SLC4A3: variants seen among roughly 807,000 people sequenced by gnomAD.
The protein encoded by SLC4A3 is anion exchange protein 3.
SLC4A3 carries 47 observed loss-of-function variants against 114.2 expected under a neutral mutation model. The observed-to-expected ratio is 0.41, with a 90% CI of 0.33 to 0.52. The LOEUF (loss-of-function observed/expected upper bound fraction) is 0.52. Among genes scored for constraint, SLC4A3 ranks in the 20% least tolerant of loss-of-function variants. The probability of loss-of-function intolerance (pLI) is 0.21; values close to 1 mark genes in which losing one functional copy is unlikely to be tolerated. For missense variants in SLC4A3, 1,312 were observed against 1,668.3 expected (o/e 0.79, Z 3.72); for synonymous variants, 693 against 710.3 (o/e 0.98, Z 0.39).
Position 219,629,649 on chromosome 2 carries a change from C to T in SLC4A3, c.565C>T (p.Pro189Ser), listed in dbSNP as rs574072360. The T allele has an allele frequency of 6.3e-5, 101 of 1,613,406 alleles. No homozygotes were observed. The South Asian group carries it at 1.1e-3, about 17-fold the overall frequency. ...GAGGGCTGCTGTCACCAAGCCCCTG[C>T]CCTCGGTGGGCCCACACACTGACAA... ...PGRAAVTKPLPSVGPHTDKSP... is the reference protein window; with the variant it reads ...PGRAAVTKPLSSVGPHTDKSP... Residue 189 changes from proline (P) to serine (S), a missense_variant, in exon 5 of 23, where the codon CCC becomes TCC. Transcript: ENST00000358055.
At chr2:219,634,324 C>A in intron 11 of SLC4A3, 96 bp from the exon 12 acceptor site, 1 of 1,254,154 alleles carries the variant, frequency 8.0e-7, no homozygotes, top group Non-Finnish European at 1.1e-6. Flanking sequence ...AGTTTACAAC[C>A]TGCTCAACTG....
At chr2:219,640,732 G>A in intron 21 of SLC4A3, 57 bp from the exon 22 acceptor site, 1 of 1,582,272 alleles carries the variant, frequency 6.3e-7, no homozygotes, top group Non-Finnish European at 8.6e-7. Flanking sequence ...CCACGATGTG[G>A]GTGGGTGGGA....
At position 219,628,780 on chromosome 2, in the gene SLC4A3, C is replaced by G; in HGVS notation, c.217+210C>G. 1 of 633,052 alleles carries G rather than the reference C, an allele frequency of 1.6e-6. No homozygotes were observed. The highest frequency in any genetic ancestry group is 2.7e-6 in the Non-Finnish European group (1 of 371,546). 39.2% of individuals were successfully genotyped at this position (633,052 alleles called of 1,614,324 possible). A position where few individuals can be genotyped will look rare whatever the true frequency, so the allele number is the denominator to read the frequency against. On this transcript the variant is annotated intron_variant, in intron 3 of 22. Transcript: ENST00000358055. This position sits in a 1 kb window ranked among gnomAD's most constrained non-coding sequence, Gnocchi z 4.8. ...CTGCCTGGGGAGGTGGGCCCCAGAC[C>G]AGGGGAGATCTAGGGAGCTGGGCCT... is the stretch of plus-strand genomic sequence containing the variant.
At chr2:219,632,230 C>T (rs141079270) in intron 7 of SLC4A3, 32 bp from the exon 8 acceptor site, 17,928 of 1,613,448 alleles carry the variant, frequency 0.011, 107 homozygotes, top group Non-Finnish European at 0.013. Flanking sequence ...ACCTGTTGGC[C>T]CCTGGGCCCT....
intron 10 of SLC4A3, among the ~76,000 whole-genome samples, 175 bp downstream of exon 10, chr2:219,633,632 T>G (rs894778083): frequency 4.0e-5 from 6 of 151,440 alleles, no homozygotes; most frequent in African/African-American, 1.5e-4. Flanking sequence ...GACGCAGGAG[T>G]TTTGAATGTG....
intron 13 of SLC4A3, 61 bp downstream of exon 13, chr2:219,635,557 C>A: frequency 6.6e-7 from 1 of 1,504,692 alleles, no homozygotes; most frequent in Non-Finnish European, 9.1e-7. Context: ...GGCCCTAAGG[C>A]TGTGACCCCA....
Position 219,631,992 on chromosome 2 carries a change from G to A in SLC4A3, c.836G>A (p.Gly279Asp). 1 of 1,611,770 alleles carries A rather than the reference G, an allele frequency of 6.2e-7. No individual in the cohort carries two copies. The highest frequency in any genetic ancestry group is 8.5e-7 in the Non-Finnish European group (1 of 1,178,972). Residue 279 changes from glycine (G) to aspartate (D), a missense_variant, in exon 7 of 23, where the codon GGT becomes GAT. By Grantham distance (94) the Gly-to-Asp change is moderately conservative. This residue lies in a region of SLC4A3 where 771 missense variants were observed against 977.7 expected (regional missense o/e 0.79). Transcript: ENST00000358055. The surrounding 1 kb of genome is among the most constrained non-coding windows in gnomAD (Gnocchi z 6.3). ...GGTCACCGACTGGAGGACAACCCTG[G>A]TGTGCGGCGACACTTAGTGAAAAAG... ...MKSHRLEDNPGVRRHLVKKPS... is the reference protein window; with the variant it reads ...MKSHRLEDNPDVRRHLVKKPS...
chr2:219,632,164 C>T (rs756342324), intron 7 of SLC4A3, 48 bp downstream of exon 7: 15 of 1,606,322 alleles, frequency 9.3e-6, no homozygotes, highest in Non-Finnish European at 1.2e-5. Flanking sequence ...TGCCCCTCGG[C>T]CCCGGAGCCC....
chr2:219,632,440 A>G lies in SLC4A3; in HGVS notation c.1139A>G (p.His380Arg), dbSNP rs772049220. ...CTGGAGCTCAGGAGGACCATCGCCC[A>G]TGGTAGGGACCCCCAGGCCTGGCCC... ...SLLELRRTIA[H>R]GAALLDLEQT... The change falls in exon 8 of 23, where the codon CAT becomes CGT. Residue 380 changes from histidine (H) to arginine (R), a missense_variant and splice_region_variant. Physicochemically the swap from His to Arg is conservative, Grantham distance 29. Transcript: ENST00000358055. 1.9e-6 allele frequency: 3 copies of G among 1,588,366 alleles called. No homozygotes were observed. Among genetic ancestry groups the G allele is most frequent in the East Asian group, 2.2e-5 (1 of 44,784 alleles).
In SLC4A3 at chr2:219,632,072, C is replaced by G; in HGVS notation, c.916C>G (p.Arg306Gly). 2 of 1,613,816 alleles carry G rather than the reference C, an allele frequency of 1.2e-6. No homozygotes were observed. The highest frequency in any genetic ancestry group is 1.7e-6 in the Non-Finnish European group (2 of 1,179,970). The change falls in exon 7 of 23, where the codon CGC becomes GGC. Residue 306 changes from arginine (R) to glycine (G), a missense_variant. This residue lies in a region of SLC4A3 where 771 missense variants were observed against 977.7 expected (regional missense o/e 0.79). Transcript: ENST00000358055. ...TCCCAGCGGCCTGGCCCCCATCCTT[C>G]GCAGGAAGAAGAAGAAGAAAAAGCT... is the stretch of plus-strand genomic sequence containing the variant. ...GSPSGLAPIL[R>G]RKKKKKKLDR...
In SLC4A3 at chr2:219,632,172, C is replaced by T; in HGVS notation, c.960+56C>T. 7 of 1,606,204 alleles carry T rather than the reference C, an allele frequency of 4.4e-6. No individual in the cohort carries two copies. The East Asian group carries it at 1.3e-4, about 31-fold the overall frequency. On this transcript the variant is annotated intron_variant, in intron 7 of 22. Coordinates refer to ENST00000358055, the MANE Select transcript of SLC4A3 (RefSeq NM_005070.4). ...TTCCTCATGCCCCTCGGCCCCGGAG[C>T]CCTCCTCTCTTTGCCCCCCTGCCTT...
rs748674448 is a variant in SLC4A3, at chr2:219,640,494, C to A, written c.3342C>A (p.Phe1114Leu). 1 of 1,614,160 alleles carries A rather than the reference C, an allele frequency of 6.2e-7. No homozygotes were observed. Reference sequence around the variant, plus strand: ...CATTGGCTGTGCTCTTTGGGATCTTCCTGTACATGGGGGTCACGTCCCTGT... The same window carrying A: ...CATTGGCTGTGCTCTTTGGGATCTTACTGTACATGGGGGTCACGTCCCTGT... ...RIPLAVLFGI[F>L]LYMGVTSLSG... Residue 1114 changes from phenylalanine (F) to leucine (L), a missense_variant, in exon 21 of 23, where the codon TTC becomes TTA. Physicochemically the swap from Phe to Leu is conservative, Grantham distance 22. Around this residue, in one of 4 missense-constraint regions of SLC4A3, gnomAD observed 301 missense variants for 460.7 expected, o/e 0.65. Transcript: ENST00000358055.
intron 5 of SLC4A3, among the ~76,000 whole-genome samples, 189 bp downstream of exon 5, chr2:219,629,884 G>GC (rs1026705789): frequency 2.2e-3 from 5 of 2,294 alleles, no homozygotes; most frequent in African/African-American, 2.4e-3. Flanking sequence ...AGAGAACAAG[G>GC]GGGGGGGGAG....
Position 219,640,515 on chromosome 2 carries a change from C to T in SLC4A3, c.3363C>T (p.Ser1121=), listed in dbSNP as rs138115643. ...TCTTCCTGTACATGGGGGTCACGTC[C>T]CTGTCTGGTATCCAGCTGTCCCAGC... is the stretch of plus-strand genomic sequence containing the variant. ...FGIFLYMGVT[S]LSGIQLSQRL... is the part of the protein sequence containing the mutation. Residue 1121 remains serine (S), a synonymous_variant, in exon 21 of 23, where the codon TCC becomes TCT. Coordinates refer to ENST00000358055, the MANE Select transcript of SLC4A3 (RefSeq NM_005070.4). The T allele has an allele frequency of 1.3e-3, 2,103 of 1,614,096 alleles. 4 individuals are homozygous for T. Among genetic ancestry groups the T allele is most frequent in the Non-Finnish European group, 1.6e-3 (1,923 of 1,179,970 alleles).
rs1171967304 is a variant in SLC4A3 at position 219,630,742 on chromosome 2, CTG to C, written c.811+394_811+395del. The stretch of plus-strand genomic sequence containing the variant: ...CATTGCTCCGGACCCCTGCCTCTCC[CTG>C]TGTCAGGACCCTTCACTCCCATCCC... On this transcript the variant is annotated intron_variant, in intron 6 of 22. Coordinates refer to ENST00000358055, the MANE Select transcript of SLC4A3 (RefSeq NM_005070.4). This position sits in a 1 kb window ranked among gnomAD's most constrained non-coding sequence, Gnocchi z 6.9. 6.6e-6 allele frequency among the ~76,000 whole-genome samples: 1 copy of C among 152,192 alleles called. No individual in the cohort carries two copies. Among genetic ancestry groups the C allele is most frequent in the African/African-American group, 2.4e-5 (1 of 41,450 alleles).
At position 219,629,313 on chromosome 2, in the gene SLC4A3, G is replaced by A. The variant is rs140733778; in HGVS notation, c.387G>A (p.Glu129=). ...AGGGGACCCCTCCCATCCAGGAGGAGGGGGGAGCTGGAGTGGATGAGGAAG... is the reference window on the plus strand; with the variant it reads ...AGGGGACCCCTCCCATCCAGGAGGAAGGGGGAGCTGGAGTGGATGAGGAAG... The part of the protein sequence containing the change: ...PSEGTPPIQE[E]GGAGVDEEEE... The change falls in exon 4 of 23, where the codon GAG becomes GAA. Residue 129 remains glutamate (E), a synonymous_variant. Coordinates refer to ENST00000358055, the MANE Select transcript of SLC4A3 (RefSeq NM_005070.4). 153 of 1,612,944 alleles carry A rather than the reference G, an allele frequency of 9.5e-5. 1 individual carries two copies. The African/African-American group carries it at 1.8e-3, about 19-fold the overall frequency.
At position 219,637,895 on chromosome 2, in the gene SLC4A3, C is replaced by A; in HGVS notation, c.2766+84C>A. ...CCCCAGAGAGGCTGCACCCCTTCCC[C>A]GGTCAGCCCATGGACCAAAACCCAG... On this transcript the variant is annotated intron_variant, in intron 17 of 22. Transcript: ENST00000358055. The surrounding 1 kb of genome is among the most constrained non-coding windows in gnomAD (Gnocchi z 4.6). The A allele has an allele frequency of 1.7e-6, 2 of 1,157,734 alleles. No individual in the cohort carries two copies. Among genetic ancestry groups the A allele is most frequent in the South Asian group, 1.3e-5 (1 of 76,480 alleles). The allele number at this position is 1,157,734 out of a possible 1,614,324, so 71.7% of individuals were successfully genotyped here. A position where few individuals can be genotyped will look rare whatever the true frequency, so the allele number is the denominator to read the frequency against.
In SLC4A3 at chr2:219,639,885, C is replaced by T. The variant is rs1699257891; in HGVS notation, c.3277+150C>T. 1 of 973,954 alleles carries T rather than the reference C, an allele frequency of 1.0e-6. No homozygotes were observed. Among genetic ancestry groups the T allele is most frequent in the South Asian group, 1.6e-5 (1 of 61,776 alleles). 60.3% of individuals were successfully genotyped at this position (973,954 alleles called of 1,614,324 possible). A position where few individuals can be genotyped will look rare whatever the true frequency, so the allele number is the denominator to read the frequency against. On this transcript the variant is annotated intron_variant, in intron 20 of 22. Coordinates refer to ENST00000358055, the MANE Select transcript of SLC4A3 (RefSeq NM_005070.4). This position sits in a 1 kb window ranked among gnomAD's most constrained non-coding sequence, Gnocchi z 5.9. Reference sequence around the variant, plus strand: ...ACCTGCTTCCCAGCACTCCCCTAGCCCTTTACTCCTGGAGTCCTTTTCTGG... The same window carrying T: ...ACCTGCTTCCCAGCACTCCCCTAGCTCTTTACTCCTGGAGTCCTTTTCTGG...
chr2:219,636,183 T>C lies in SLC4A3; in HGVS notation c.2192-119T>C. ...GCAATGGGGTATGGAAGGGGCCCTG[T>C]GTGTCACTCTAAGGGGCTGCTCTGC... On this transcript the variant is annotated intron_variant, in intron 14 of 22. Coordinates refer to ENST00000358055, the MANE Select transcript of SLC4A3 (RefSeq NM_005070.4). This position sits in a 1 kb window ranked among gnomAD's most constrained non-coding sequence, Gnocchi z 5.5. 8.7e-7 allele frequency: 1 copy of C among 1,149,986 alleles called. No homozygotes were observed. The highest frequency in any genetic ancestry group is 1.3e-6 in the Non-Finnish European group (1 of 792,020). 71.2% of individuals were successfully genotyped at this position (1,149,986 alleles called of 1,614,324 possible).
Sources: gnomAD v4.1 joint callset for allele counts (sites outside exome capture counted in the v4.1 genomes callset) on GRCh38, gnomAD v4.1.1 for gene constraint, gnomAD v4.1.1 regional missense constraint, Gnocchi (gnomAD v3.1) non-coding constraint, MANE v1.5 for transcripts, NCBI Gene and HGNC (gene_info 2026-07-23, HGNC 2026-07-21) for gene names.